Variants in MYO16 observed in about 807,000 individuals in gnomAD.
MYO16 encodes myosin XVI.
Under a neutral mutation model 205.3 loss-of-function variants are expected in MYO16, and 94 were observed. That is an observed-to-expected ratio of 0.46 (90% CI 0.39 to 0.54). The LOEUF (loss-of-function observed/expected upper bound fraction) is 0.54. MYO16 is among the 20% of genes least tolerant of loss of function. The probability of loss-of-function intolerance (pLI) is 0.00; values close to 1 mark genes in which losing one functional copy is unlikely to be tolerated. For missense variants in MYO16, 2,315 were observed against 2,387.5 expected (o/e 0.97, Z 0.63); for synonymous variants, 988 against 954.0 (o/e 1.04, Z -0.66).
chr13:108,829,642 G>A lies in MYO16; in HGVS notation c.1097+6364G>A, dbSNP rs1399424821. Among the ~76,000 whole-genome samples the A allele has an allele frequency of 2.6e-5, 4 of 152,172 alleles. No homozygotes were observed. In the East Asian group the frequency reaches 5.8e-4, roughly 22 times the overall value. On this transcript the variant is annotated intron_variant, in intron 9 of 34. Transcript: ENST00000457511. ...TTTCCTAGGGATGAGAAAAGACTATGAGGAGGGGACCTAAGCAGGGCTGAG... is the reference window on the plus strand; with the variant it reads ...TTTCCTAGGGATGAGAAAAGACTATAAGGAGGGGACCTAAGCAGGGCTGAG...
At position 109,140,317 on chromosome 13, in the gene MYO16, C is replaced by G. The variant is rs1272153507; in HGVS notation, c.4105C>G (p.Pro1369Ala). 1 of 1,602,700 alleles carries G rather than the reference C, an allele frequency of 6.2e-7. No individual in the cohort carries two copies. The highest frequency in any genetic ancestry group is 1.1e-5 in the South Asian group (1 of 91,072). ...SDDYSTMKKI[P>A]PRKPKRSPNT... is the part of the protein sequence containing the mutation. Reference sequence around the variant, plus strand: ...CGACTACAGCACCATGAAGAAGATTCCTCCTCGAAAGCCCAAGCGCAGCCC... The same window carrying G: ...CGACTACAGCACCATGAAGAAGATTGCTCCTCGAAAGCCCAAGCGCAGCCC... Residue 1369 changes from proline to alanine, a missense_variant, in exon 32 of 35, where the codon CCT becomes GCT. Around this residue, in one of 3 missense-constraint regions of MYO16, gnomAD observed 1,097 missense variants for 1,092.0 expected, o/e 1.00. Coordinates refer to ENST00000457511, the MANE Select transcript of MYO16 (RefSeq NM_001198950.3). This position sits in a 1 kb window ranked among gnomAD's most constrained non-coding sequence, Gnocchi z 8.0.
the MYO16 span, among the ~76,000 whole-genome samples, chr13:108,528,406 A>T: frequency 6.6e-6 from 1 of 152,122 alleles, no homozygotes; most frequent in Non-Finnish European, 1.5e-5. Flanking sequence ...TAGGACAGGA[A>T]ACTAATACAG....
intron 22 of MYO16, among the ~76,000 whole-genome samples, chr13:109,018,010 G>C (rs1885887414): frequency 6.6e-6 from 1 of 152,154 alleles, no homozygotes; most frequent in Non-Finnish European, 1.5e-5. Context: ...TTCTGTTGCT[G>C]GTGAGGAGCT....
At chr13:108,616,257 C>T (rs1283682306) in intron 1 of MYO16, among the ~76,000 whole-genome samples, 2 of 152,132 alleles carry the variant, frequency 1.3e-5, no homozygotes, top group African/African-American at 4.8e-5. Context: ...AATGTATATA[C>T]AGTAGACATT....
intron 1 of MYO16, among the ~76,000 whole-genome samples, chr13:108,613,587 T>C (rs1879250768): frequency 6.6e-6 from 1 of 152,010 alleles, no homozygotes; most frequent in Admixed American, 6.6e-5. Flanking sequence ...CTTATGAATA[T>C]AAAAAGCAAA....
chr13:108,500,681 C>T, the MYO16 span, among the ~76,000 whole-genome samples: 1 of 152,228 alleles, frequency 6.6e-6, no homozygotes, highest in African/African-American at 2.4e-5. Flanking sequence ...TTAGGACTGC[C>T]CCGGATCCAA....
chr13:109,066,373 T>C (rs956025392), intron 27 of MYO16, among the ~76,000 whole-genome samples: 6 of 152,210 alleles, frequency 3.9e-5, no homozygotes, highest in African/African-American at 1.4e-4. Flanking sequence ...TCCAAGGTAA[T>C]TTTGCCAAAT....
chr13:109,120,448 A>T lies in MYO16; in HGVS notation c.3517A>T (p.Ile1173Phe), dbSNP rs1266344631. 1 of 1,611,058 alleles carries T rather than the reference A, an allele frequency of 6.2e-7. No individual in the cohort carries two copies. Residue 1173 changes from isoleucine to phenylalanine, a missense_variant, in exon 29 of 35, where the codon ATT becomes TTT. Physicochemically the swap from Ile to Phe is conservative, Grantham distance 21. Transcript: ENST00000457511. ...TTTGTGCCTACAGTTGCAGAGAAAA[A>T]TTATAACCTGCCAAAAAGGTAACAT... is the stretch of plus-strand genomic sequence containing the variant. ...NDLCLQLQRK[I>F]ITCQKVIRGF...
chr13:109,140,393 G>T lies in MYO16; in HGVS notation c.4181G>T (p.Gly1394Val). 1 of 1,594,874 alleles carries T rather than the reference G, an allele frequency of 6.3e-7. No homozygotes were observed. The highest frequency in any genetic ancestry group is 2.3e-5 in the East Asian group (1 of 44,022). Residue 1394 changes from glycine (G) to valine (V), a missense_variant, in exon 32 of 35, where the codon GGG (glycine) becomes GTG (valine). By Grantham distance (109) the Gly-to-Val change is moderately radical. This residue lies in a region of MYO16 where 1,097 missense variants were observed against 1,092.0 expected (regional missense o/e 1.00). Coordinates refer to ENST00000457511, the MANE Select transcript of MYO16 (RefSeq NM_001198950.3). This position sits in a 1 kb window ranked among gnomAD's most constrained non-coding sequence, Gnocchi z 8.0. The part of the protein sequence containing the change: ...SYEEISGSRP[G>V]DARPAGAPGA... ...GAGGAGATATCGGGGTCCCGGCCCG[G>T]GGACGCGAGGCCCGCGGGCGCCCCG... is the stretch of plus-strand genomic sequence containing the variant.
At chr13:108,756,614 T>G (rs1235221593) in intron 4 of MYO16, among the ~76,000 whole-genome samples, 2 of 152,302 alleles carry the variant, frequency 1.3e-5, no homozygotes, top group East Asian at 3.9e-4. Context: ...TATATTTAAT[T>G]TTTGAAAGTT....
intron 32 of MYO16, among the ~76,000 whole-genome samples, chr13:109,157,146 T>A (rs1435812107): frequency 6.7e-6 from 1 of 148,526 alleles, no homozygotes; most frequent in African/African-American, 2.5e-5. Context: ...CACTCCTCCT[T>A]CTGCTTCCCC....
chr13:108,803,087 A>C (rs1173846288), intron 6 of MYO16, among the ~76,000 whole-genome samples: 1 of 152,198 alleles, frequency 6.6e-6, no homozygotes, highest in African/African-American at 2.4e-5. Context: ...TAAACTCTTA[A>C]AAATAAATAC....
At chr13:108,652,142 T>TGC (rs1491028969) in intron 1 of MYO16, among the ~76,000 whole-genome samples, 2 of 147,016 alleles carry the variant, frequency 1.4e-5, no homozygotes, top group Non-Finnish European at 3.1e-5. Flanking sequence ...CAGATACCAA[T>TGC]GTGTGTGTGT....
chr13:108,806,990 C>T (rs897125599), intron 7 of MYO16, among the ~76,000 whole-genome samples, 186 bp downstream of exon 7: 3 of 152,046 alleles, frequency 2.0e-5, no homozygotes, highest in Non-Finnish European at 4.4e-5. Flanking sequence ...AGCACATGTT[C>T]CTTATGTATC....
At chr13:108,761,278 G>A (rs1026898887) in intron 4 of MYO16, among the ~76,000 whole-genome samples, 1 of 152,088 alleles carries the variant, frequency 6.6e-6, no homozygotes, top group Non-Finnish European at 1.5e-5. Context: ...CAGAGATGCG[G>A]CAGTGCTCTG....
chr13:109,020,821 G>T (rs988536313), intron 23 of MYO16, among the ~76,000 whole-genome samples: 1 of 152,056 alleles, frequency 6.6e-6, no homozygotes. Context: ...AGTTCATTTC[G>T]ACCAGTGTTT....
At chr13:109,019,116 A>G (rs981143205) in intron 22 of MYO16, among the ~76,000 whole-genome samples, 1 of 151,954 alleles carries the variant, frequency 6.6e-6, no homozygotes, top group Non-Finnish European at 1.5e-5. Flanking sequence ...CTACAGGCAC[A>G]CATCACCATG....
chr13:108,844,244 T>A, intron 9 of MYO16, 99 bp from the exon 10 acceptor site: 1 of 940,050 alleles, frequency 1.1e-6, no homozygotes, highest in Non-Finnish European at 1.5e-6. Context: ...CTTATCTGAA[T>A]AAAACCACCG....
chr13:108,714,592 C>CTGTGTGTGTCTG (rs1555341104), intron 3 of MYO16, among the ~76,000 whole-genome samples: 3 of 146,680 alleles, frequency 2.0e-5, no homozygotes, highest in Admixed American at 6.7e-5. Flanking sequence ...GTGTGTGTGT[C>CTGTGTGTGTCTG]TGTGTGTGTG....
Sources: gnomAD v4.1 joint callset for allele counts (sites outside exome capture counted in the v4.1 genomes callset) on GRCh38, gnomAD v4.1.1 for gene constraint, gnomAD v4.1.1 regional missense constraint, Gnocchi (gnomAD v3.1) non-coding constraint, MANE v1.5 for transcripts, NCBI Gene and HGNC (gene_info 2026-07-23, HGNC 2026-07-21) for gene names.